Variants in AUTS2 observed in about 807,000 individuals in gnomAD.
AUTS2 encodes the protein autism susceptibility gene 2 protein.
AUTS2 carries 17 observed loss-of-function variants against 112.4 expected under a neutral mutation model. The observed-to-expected ratio is 0.15, with a 90% CI of 0.10 to 0.23. The LOEUF (loss-of-function observed/expected upper bound fraction) is 0.23. Ranked by LOEUF, AUTS2 falls within the 10% of genes least tolerant of loss-of-function variation. AUTS2 has a pLI of 1.00. For missense variants in AUTS2, 1,510 were observed against 1,701.6 expected, an observed-to-expected ratio of 0.89 and a Z score of 1.98; for synonymous variants, 751 against 702.7, an observed-to-expected ratio of 1.07 and a Z score of -1.09.
intron 5 of AUTS2, among the ~76,000 whole-genome samples, chr7:70,518,974 G>A (rs185221515): frequency 4.5e-4 from 68 of 151,986 alleles, no homozygotes; most frequent in African/African-American, 1.6e-3. Flanking sequence ...AAAGTGCCGG[G>A]ATTACAGGCA....
At chr7:70,056,294 C>T (rs988475193) in intron 2 of AUTS2, among the ~76,000 whole-genome samples, 5 of 152,136 alleles carry the variant, frequency 3.3e-5, no homozygotes, top group African/African-American at 1.2e-4. Context: ...AGAGTCTTTG[C>T]AATTTTTACT....
intron 2 of AUTS2, among the ~76,000 whole-genome samples, chr7:69,959,775 C>T (rs1386492906): frequency 6.6e-6 from 1 of 152,090 alleles, no homozygotes; most frequent in African/African-American, 2.4e-5. Flanking sequence ...CTTCTAGTTC[C>T]CTAGTACATA....
rs1043186008 is a variant in AUTS2, at chr7:70,320,950, T to G, written c.661-114802T>G. On this transcript the variant is annotated intron_variant, in intron 4 of 18. Coordinates refer to ENST00000342771, the MANE Select transcript of AUTS2 (RefSeq NM_015570.4). ...TGACAAGGACCCCAGAAATCAACAG[T>G]GACACCAGCTGAGTGACCACAGGCA... 2.6e-5 allele frequency among the ~76,000 whole-genome samples: 4 copies of G among 152,276 alleles called. No homozygotes were observed. In the East Asian group the frequency reaches 7.7e-4, roughly 29 times the overall value.
intron 1 of AUTS2, among the ~76,000 whole-genome samples, chr7:69,705,629 T>G (rs1798031715): frequency 6.6e-6 from 1 of 152,258 alleles, no homozygotes; most frequent in African/African-American, 2.4e-5. Context: ...CTGAAGAATT[T>G]GGAATGGGCC....
At position 70,774,116 on chromosome 7, in the gene AUTS2, G is replaced by A; in HGVS notation, c.1902+17G>A. On this transcript the variant is annotated intron_variant, in intron 12 of 18. Coordinates refer to ENST00000342771, the MANE Select transcript of AUTS2 (RefSeq NM_015570.4). ...GACCCGAGGGTACGTGCAAAGTCAG[G>A]CTTGGTCTCAGGTAACACCAGGGTG... 1 of 1,613,808 alleles carries A rather than the reference G, an allele frequency of 6.2e-7. No individual in the cohort carries two copies. The highest frequency in any genetic ancestry group is 8.5e-7 in the Non-Finnish European group (1 of 1,179,702).
chr7:70,123,826 G>A (rs969195713), intron 3 of AUTS2, among the ~76,000 whole-genome samples: 1 of 152,146 alleles, frequency 6.6e-6, no homozygotes, highest in African/African-American at 2.4e-5. Context: ...TGCATGTGTT[G>A]TTATGGTAGA....
intron 18 of AUTS2, 120 bp downstream of exon 18, chr7:70,787,551 C>G: frequency 1.5e-6 from 1 of 679,350 alleles, no homozygotes; most frequent in Non-Finnish European, 2.5e-6. Context: ...CCGGTAGCCT[C>G]AGCTCCTCCC....
intron 1 of AUTS2, among the ~76,000 whole-genome samples, chr7:69,765,171 C>T (rs1432263993): frequency 3.3e-5 from 5 of 152,150 alleles, no homozygotes; most frequent in Non-Finnish European, 7.3e-5. Context: ...ATGTAGCAAT[C>T]CAAAATTGTC....
chr7:70,616,499 C>G (rs1300858611), intron 5 of AUTS2, among the ~76,000 whole-genome samples: 1 of 152,180 alleles, frequency 6.6e-6, no homozygotes, highest in Non-Finnish European at 1.5e-5. Context: ...CTGTGTACTG[C>G]AGTTGCCATT....
At chr7:70,043,017 TAAAA>T (rs71978854) in intron 2 of AUTS2, among the ~76,000 whole-genome samples, 1 of 127,438 alleles carries the variant, frequency 7.8e-6, no homozygotes, top group Non-Finnish European at 1.7e-5. Context: ...GCACACTCAC[TAAAA>T]AAAAAAAAAA....
intron 4 of AUTS2, among the ~76,000 whole-genome samples, chr7:70,428,420 A>T (rs1197161184): frequency 6.6e-6 from 1 of 152,178 alleles, no homozygotes; most frequent in Non-Finnish European, 1.5e-5. Context: ...TAAATAAGAA[A>T]ATAAGTGTCA....
chr7:70,055,144 A>T (rs1009102225), intron 2 of AUTS2, among the ~76,000 whole-genome samples: 1 of 152,218 alleles, frequency 6.6e-6, no homozygotes. Flanking sequence ...TATTTAAAAA[A>T]AAATTCTAGG....
intron 5 of AUTS2, among the ~76,000 whole-genome samples, chr7:70,606,798 G>C (rs1803799776): frequency 6.6e-6 from 1 of 151,108 alleles, no homozygotes; most frequent in South Asian, 2.1e-4. Context: ...GGAGGTGGAG[G>C]TTGCAGTGAG....
intron 4 of AUTS2, among the ~76,000 whole-genome samples, chr7:70,308,703 G>A (rs1432479481): frequency 6.6e-6 from 1 of 152,170 alleles, no homozygotes; most frequent in Non-Finnish European, 1.5e-5. Context: ...CTTTAGAACA[G>A]TAGTTCTCAA....
chr7:70,267,438 A>C (rs1243329645), intron 4 of AUTS2, among the ~76,000 whole-genome samples: 1 of 152,188 alleles, frequency 6.6e-6, no homozygotes, highest in Non-Finnish European at 1.5e-5. Flanking sequence ...TACCCAGGAC[A>C]AGGAGATTAT....
intron 2 of AUTS2, among the ~76,000 whole-genome samples, chr7:70,040,629 T>C (rs1584622719): frequency 6.6e-6 from 1 of 152,290 alleles, no homozygotes; most frequent in Non-Finnish European, 1.5e-5. Flanking sequence ...CCAAGGAGCT[T>C]TGTGACCGTG....
intron 4 of AUTS2, among the ~76,000 whole-genome samples, chr7:70,411,786 T>C (rs562396512): frequency 5.9e-5 from 9 of 152,162 alleles, no homozygotes; most frequent in Non-Finnish European, 1.0e-4. Flanking sequence ...TCTGAACAGA[T>C]AACTATGACA....
At position 70,702,131 on chromosome 7, in the gene AUTS2, G is replaced by A. The variant is rs974174649; in HGVS notation, c.742+3511G>A. 2.6e-5 allele frequency among the ~76,000 whole-genome samples: 4 copies of A among 152,212 alleles called. No homozygotes were observed. The South Asian group carries it at 6.2e-4, about 24-fold the overall frequency. ...TTGCTGCACACAATTATCCTGCCAA[G>A]ATAATGAATCTTTCCTAAAACTCTT... On this transcript the variant is annotated intron_variant, in intron 6 of 18. Coordinates refer to ENST00000342771, the MANE Select transcript of AUTS2 (RefSeq NM_015570.4).
At chr7:69,698,949 C>CT (rs1295473356) in intron 1 of AUTS2, among the ~76,000 whole-genome samples, 1 of 152,036 alleles carries the variant, frequency 6.6e-6, no homozygotes, top group Non-Finnish European at 1.5e-5. Context: ...TCATATATAA[C>CT]TTTGACTATA....
Sources: allele counts gnomAD v4.1 joint callset (sites outside exome capture counted in the v4.1 genomes callset), GRCh38; gene constraint gnomAD v4.1.1; transcripts MANE v1.5; gene names NCBI Gene and HGNC (gene_info 2026-07-23, HGNC 2026-07-21).